Variants in PTPRT observed in about 807,000 individuals in gnomAD.
PTPRT encodes the protein protein tyrosine phosphatase receptor type T.
Under a neutral mutation model 176.8 loss-of-function variants are expected in PTPRT, and 56 were observed. The observed-to-expected ratio is 0.32, with a 90% CI of 0.26 to 0.40. The LOEUF is 0.40. PTPRT is among the 10% of genes least tolerant of loss of function. PTPRT has a pLI of 1.00. For missense variants in PTPRT, 1,540 were observed against 1,908.2 expected (o/e 0.81, Z 3.60); for synonymous variants, 783 against 739.0 (o/e 1.06, Z -0.96).
At chr20:42,423,271 C>T (rs1332364191) in intron 9 of PTPRT, among the ~76,000 whole-genome samples, 3 of 151,676 alleles carry the variant, frequency 2.0e-5, no homozygotes, top group Non-Finnish European at 2.9e-5. Context: ...GCATAGTATC[C>T]CTTTCCACCA....
intron 1 of PTPRT, chr20:42,966,449 T>C (rs1982297846): frequency 6.6e-6 from 1 of 152,210 alleles, no homozygotes; most frequent in African/African-American, 2.4e-5. Context: ...CAATACACTA[T>C]GTCACACGAG....
chr20:42,646,422 T>C (rs377405905), intron 7 of PTPRT, among the ~76,000 whole-genome samples: 65 of 152,246 alleles, frequency 4.3e-4, no homozygotes, highest in African/African-American at 1.4e-3. Flanking sequence ...AGTTGAGTTA[T>C]TGCAACAGAG....
intron 1 of PTPRT, among the ~76,000 whole-genome samples, chr20:43,083,352 A>ATATATACATATATATG (rs2011511834): frequency 2.3e-5 from 3 of 128,628 alleles, no homozygotes; most frequent in Non-Finnish European, 5.0e-5. Flanking sequence ...ATATATATAT[A>ATATATACATATATATG]TATATATATA....
intron 1 of PTPRT, among the ~76,000 whole-genome samples, chr20:43,187,067 C>T (rs1326073640): frequency 1.3e-5 from 2 of 152,180 alleles, no homozygotes; most frequent in African/African-American, 4.8e-5. Context: ...CAAAAACCGT[C>T]GTGGCTCAAG....
intron 9 of PTPRT, among the ~76,000 whole-genome samples, chr20:42,409,610 C>G (rs548660953): frequency 1.3e-4 from 20 of 150,612 alleles, no homozygotes; most frequent in Non-Finnish European, 2.2e-4. Context: ...AAAGGTGGAG[C>G]AGTCTGAAAT....
intron 18 of PTPRT, among the ~76,000 whole-genome samples, chr20:42,133,073 G>A (rs1361636964): frequency 6.6e-6 from 1 of 152,130 alleles, no homozygotes; most frequent in African/African-American, 2.4e-5. Flanking sequence ...TAAACGTTCT[G>A]TTTTTAATTT....
intron 7 of PTPRT, among the ~76,000 whole-genome samples, chr20:42,505,798 A>G (rs2071833889): frequency 6.6e-6 from 1 of 152,146 alleles, no homozygotes; most frequent in South Asian, 2.1e-4. Flanking sequence ...CAAAGGACAT[A>G]TGGTTTACAA....
intron 2 of PTPRT, among the ~76,000 whole-genome samples, chr20:42,805,782 G>A (rs545598213): frequency 1.1e-4 from 16 of 152,082 alleles, no homozygotes; most frequent in African/African-American, 3.9e-4. Context: ...GTGCATTTCT[G>A]ATGCTGCATC....
At chr20:42,117,546 C>T (rs1027748637) in intron 21 of PTPRT, among the ~76,000 whole-genome samples, 1 of 152,072 alleles carries the variant, frequency 6.6e-6, no homozygotes, top group Non-Finnish European at 1.5e-5. Flanking sequence ...TGAAGAACAT[C>T]AAGATTTAGA....
chr20:42,448,122 A>T (rs1386291454), intron 9 of PTPRT, 98 bp downstream of exon 9: 1 of 936,142 alleles, frequency 1.1e-6, no homozygotes, highest in Admixed American at 1.9e-5. Context: ...CATCTTACTC[A>T]CCTTTATACG....
At chr20:42,118,352 G>A (rs767691703) in intron 21 of PTPRT, 51 bp downstream of exon 21, 24 of 1,476,112 alleles carry the variant, frequency 1.6e-5, no homozygotes, top group Admixed American at 1.1e-4. Context: ...AGAGATGTTC[G>A]AGAGTGCATC....
chr20:42,864,021 C>A lies in PTPRT; in HGVS notation c.214+21786G>T, dbSNP rs552367161. ...CAGGATGCTGTAGTCTGCAAAGGAC[C>A]CTTCAGCCCTGTTCCTGTCCCTTTT... On this transcript the variant is annotated intron_variant, in intron 2 of 30. Coordinates refer to ENST00000373187, the MANE Select transcript of PTPRT (RefSeq NM_007050.6). Among the ~76,000 whole-genome samples the A allele has an allele frequency of 1.4e-4, 21 of 152,314 alleles. No individual in the cohort carries two copies. In the South Asian group the frequency reaches 4.4e-3, roughly 32 times the overall value.
intron 15 of PTPRT, among the ~76,000 whole-genome samples, chr20:42,217,843 A>T (rs1292457908): frequency 6.6e-6 from 1 of 152,252 alleles, no homozygotes; most frequent in African/African-American, 2.4e-5. Flanking sequence ...GGTAAATGTA[A>T]CAGTTTAACA....
At chr20:42,564,344 C>T (rs1010849940) in intron 7 of PTPRT, among the ~76,000 whole-genome samples, 6 of 152,244 alleles carry the variant, frequency 3.9e-5, no homozygotes, top group African/African-American at 1.4e-4. Context: ...AAGCCCAATA[C>T]AGCTATTGCC....
Position 42,236,268 on chromosome 20 carries a change from GA to G in PTPRT, c.2313-11del. The G allele has an allele frequency of 6.3e-7, 1 of 1,589,520 alleles. No homozygotes were observed. Among genetic ancestry groups the G allele is most frequent in the Non-Finnish European group, 8.6e-7 (1 of 1,159,266 alleles). Reference sequence around the variant, plus strand: ...GGAATAAGCATTTCTTCTATATATTGATGGGCAGTCAGATGAAGGAAATGTC... The same window carrying G: ...GGAATAAGCATTTCTTCTATATATTGTGGGCAGTCAGATGAAGGAAATGTC... On this transcript the variant is annotated splice_polypyrimidine_tract_variant and intron_variant, in intron 14 of 30. Coordinates refer to ENST00000373187, the MANE Select transcript of PTPRT (RefSeq NM_007050.6).
intron 7 of PTPRT, among the ~76,000 whole-genome samples, chr20:42,585,495 A>G (rs969334781): frequency 1.3e-5 from 2 of 152,162 alleles, no homozygotes; most frequent in African/African-American, 2.4e-5. Context: ...AGTTACATCT[A>G]TCATTTTATT....
At chr20:42,184,032 G>A (rs6102715) in intron 16 of PTPRT, among the ~76,000 whole-genome samples, 2,965 of 152,182 alleles carry the variant, frequency 0.019, 96 homozygotes, top group African/African-American at 0.067. Flanking sequence ...ATGCAAATGA[G>A]GGAGGCATTT....
chr20:42,351,554 T>C (rs917708082), intron 10 of PTPRT, among the ~76,000 whole-genome samples: 3 of 152,222 alleles, frequency 2.0e-5, no homozygotes, highest in African/African-American at 7.2e-5. Context: ...CAGAATTGCA[T>C]ACATATTTAG....
At chr20:42,574,045 C>T (rs185569193) in intron 7 of PTPRT, among the ~76,000 whole-genome samples, 1 of 152,142 alleles carries the variant, frequency 6.6e-6, no homozygotes, top group Non-Finnish European at 1.5e-5. Flanking sequence ...CCGCACCCAG[C>T]AAGATAGACT....
Sources: gnomAD v4.1 joint callset for allele counts (sites outside exome capture counted in the v4.1 genomes callset) on GRCh38, gnomAD v4.1.1 for gene constraint, MANE v1.5 for transcripts, NCBI Gene and HGNC (gene_info 2026-07-23, HGNC 2026-07-21) for gene names.